HSPA9: variants seen among roughly 807,000 people sequenced by gnomAD.
The protein encoded by HSPA9 is stress-70 protein, mitochondrial.
A neutral mutation model predicts 81.5 loss-of-function variants in HSPA9; 28 were observed. That is an observed-to-expected ratio of 0.34 (90% CI 0.25 to 0.47). HSPA9 has a LOEUF of 0.47. Ranked by LOEUF, HSPA9 falls within the 20% of genes least tolerant of loss-of-function variation. The pLI is 1.00. For missense variants in HSPA9, 678 were observed against 838.0 expected, an observed-to-expected ratio of 0.81 and a Z score of 2.36; for synonymous variants, 293 against 290.4, an observed-to-expected ratio of 1.01 and a Z score of -0.09.
intron 13 of HSPA9, 120 bp from the exon 14 acceptor site, chr5:138,557,616 G>A (rs1750556184): frequency 1.3e-6 from 1 of 769,574 alleles, no homozygotes; most frequent in South Asian, 1.5e-5. Context: ...TTATGAAGAG[G>A]AGAAATACCC....
intron 11 of HSPA9, 47 bp from the exon 12 acceptor site, chr5:138,558,704 T>G (rs766999103): frequency 4.4e-6 from 5 of 1,143,734 alleles, no homozygotes; most frequent in Non-Finnish European, 6.7e-6. Context: ...ATTAACCTAC[T>G]CCATTTCTAT....
chr5:138,556,600 A>C lies in HSPA9; in HGVS notation c.1822-8T>G. 1 of 1,612,376 alleles carries C rather than the reference A, an allele frequency of 6.2e-7. No individual in the cohort carries two copies. The highest frequency in any genetic ancestry group is 2.2e-5 in the East Asian group (1 of 44,880). On this transcript the variant is annotated splice_polypyrimidine_tract_variant and splice_region_variant and intron_variant, in intron 15 of 16. Coordinates refer to ENST00000297185, the MANE Select transcript of HSPA9 (RefSeq NM_004134.7). ...TTCTTTCAGCTTGTTGCACTTAAAA[A>C]AAGAAAACAAAAATCCTTACTTTTC...
rs748668795 is a variant in HSPA9, at chr5:138,575,390, G to C, written c.-72C>G. 2.2e-6 allele frequency: 3 copies of C among 1,343,100 alleles called. No homozygotes were observed. Among genetic ancestry groups the C allele is most frequent in the African/African-American group, 2.9e-5 (2 of 69,898 alleles). 83.2% of individuals were successfully genotyped at this position (1,343,100 alleles called of 1,614,324 possible). On this transcript the variant is annotated 5_prime_UTR_variant, in exon 1 of 17. Coordinates refer to ENST00000297185, the MANE Select transcript of HSPA9 (RefSeq NM_004134.7). Reference sequence around the variant, plus strand: ...GCAAAGAGCTGCGCGATGCGGTGGCGGCAGCGCTTCTGGAAACCTCCAACC... The same window carrying C: ...GCAAAGAGCTGCGCGATGCGGTGGCCGCAGCGCTTCTGGAAACCTCCAACC...
intron 3 of HSPA9, among the ~76,000 whole-genome samples, chr5:138,571,472 A>G (rs1477820686): frequency 1.3e-5 from 2 of 151,956 alleles, no homozygotes; most frequent in Non-Finnish European, 2.9e-5. Context: ...GCATGAGCCA[A>G]TACGCCCAGC....
chr5:138,565,342 G>A (rs764400793), intron 9 of HSPA9, among the ~76,000 whole-genome samples: 29 of 152,030 alleles, frequency 1.9e-4, no homozygotes, highest in Non-Finnish European at 2.6e-4. Flanking sequence ...CCATGGATGC[G>A]TGTGTATAAC....
rs1342030367 is a variant in HSPA9 at position 138,575,285 on chromosome 5, G to A, written c.34C>T (p.Leu12Phe). The A allele has an allele frequency of 6.2e-7, 1 of 1,612,062 alleles. No individual in the cohort carries two copies. Among genetic ancestry groups the A allele is most frequent in the Admixed American group, 1.7e-5 (1 of 59,932 alleles). ...CCCCGGGAGGCTGCGGCGCCCACGA[G>A]ACGGGCTGCTGCAGCTCGGCTGGCA... Reference protein sequence around the residue: ...ISASRAAAARLVGAAASRGPT... With the variant: ...ISASRAAAARFVGAAASRGPT... The change falls in exon 1 of 17, where the codon CTC becomes TTC. Residue 12 changes from leucine (L) to phenylalanine (F), a missense_variant. Leu to Phe is a conservative substitution (Grantham distance 22, BLOSUM62 0). Around this residue, in one of 4 missense-constraint regions of HSPA9, gnomAD observed 89 missense variants for 70.4 expected, o/e 1.27. Transcript: ENST00000297185.
rs371198130 is a variant in HSPA9 at position 138,554,496 on chromosome 5, A to G, written c.*1541T>C. Among the ~76,000 whole-genome samples, 10 of 152,352 alleles carry G rather than the reference A, an allele frequency of 6.6e-5. No individual in the cohort carries two copies. In the East Asian group the frequency reaches 1.7e-3, roughly 26 times the overall value. On this transcript the variant is annotated 3_prime_UTR_variant, in exon 17 of 17. Coordinates refer to ENST00000297185, the MANE Select transcript of HSPA9 (RefSeq NM_004134.7). Reference sequence around the variant, plus strand: ...GAGCCTAGAATTTTTCACGAATCCCAAGAATCTTTTACATGGGTGTTAACA... The same window carrying G: ...GAGCCTAGAATTTTTCACGAATCCCGAGAATCTTTTACATGGGTGTTAACA...
rs1284836614 is a variant in HSPA9, at chr5:138,560,066, A to G, written c.1208T>C (p.Phe403Ser). ...PKVQQTVQDL[F>S]GRAPSKAVNP... is the part of the protein sequence containing the mutation. Reference sequence around the variant, plus strand: ...GACAGCTTTACTTGGGGCTCTGCCAAAAAGATCCTGTACAGTCTGCTGAAC... The same window carrying G: ...GACAGCTTTACTTGGGGCTCTGCCAGAAAGATCCTGTACAGTCTGCTGAAC... The change falls in exon 11 of 17, where the codon TTT (phenylalanine) becomes TCT (serine). Residue 403 changes from phenylalanine to serine, a missense_variant. Coordinates refer to ENST00000297185, the MANE Select transcript of HSPA9 (RefSeq NM_004134.7). 1 of 1,614,158 alleles carries G rather than the reference A, an allele frequency of 6.2e-7. No homozygotes were observed.
intron 9 of HSPA9, among the ~76,000 whole-genome samples, chr5:138,563,935 C>G (rs58487224): frequency 6.6e-6 from 1 of 152,202 alleles, no homozygotes; most frequent in Non-Finnish European, 1.5e-5. Flanking sequence ...TTCACTCTGC[C>G]CTTTTGGCCA....
At chr5:138,559,448 G>C (rs900813663) in intron 11 of HSPA9, among the ~76,000 whole-genome samples, 1 of 152,064 alleles carries the variant, frequency 6.6e-6, no homozygotes, top group East Asian at 1.9e-4. Flanking sequence ...AAGTAGCCCT[G>C]CTTGGTATCT....
In HSPA9 at chr5:138,573,849, A is replaced by T. The variant is rs780388892; in HGVS notation, c.142T>A (p.Ser48Thr). 3 of 1,608,850 alleles carry T rather than the reference A, an allele frequency of 1.9e-6. No individual in the cohort carries two copies. In the Admixed American group the frequency reaches 5.0e-5, roughly 27 times the overall value. Residue 48 changes from serine to threonine, a missense_variant and splice_region_variant, in exon 3 of 17, where the codon TCA becomes ACA. By Grantham distance (58) the Ser-to-Thr change is moderately conservative. Transcript: ENST00000297185. ...ACAACTGCTCCCTTGATTGCTTCTG[A>T]TCTGTAAGACATTTAGAACAGTGTC... is the stretch of plus-strand genomic sequence containing the variant. ...FRLVSRRDYA[S>T]EAIKGAVVGI...
rs368065921 is a variant in HSPA9 at position 138,560,655 on chromosome 5, C to T, written c.1183-564G>A. On this transcript the variant is annotated intron_variant, in intron 10 of 16. Transcript: ENST00000297185. ...CACTCACCGCAAGCTCCACCTCCTG[C>T]GTTCACGCCATTCTCCTACCTCAGC... 1.4e-4 allele frequency: 29 copies of T among 207,676 alleles called. No homozygotes were observed. In the East Asian group the frequency reaches 2.1e-3, roughly 15 times the overall value. 12.9% of individuals were successfully genotyped at this position (207,676 alleles called of 1,614,324 possible). A position where few individuals can be genotyped will look rare whatever the true frequency, so the allele number is the denominator to read the frequency against.
rs1268469140 is a variant in HSPA9, at chr5:138,561,763, T to C, written c.999A>G (p.Thr333=). Residue 333 remains threonine (T), a synonymous_variant, in exon 10 of 17, where the codon ACA becomes ACG. Coordinates refer to ENST00000297185, the MANE Select transcript of HSPA9 (RefSeq NM_004134.7). The stretch of plus-strand genomic sequence containing the variant: ...AATGCTTGGGTCCAGAAGAATCCAT[T>C]GTAAGATAGGGCAAATTGATGTCAG... ...VQTDINLPYL[T]MDSSGPKHLN... is the part of the protein sequence containing the mutation. The C allele has an allele frequency of 5.0e-6, 8 of 1,614,116 alleles. No individual in the cohort carries two copies. The highest frequency in any genetic ancestry group is 6.8e-6 in the Non-Finnish European group (8 of 1,179,970).
At chr5:138,575,031 T>C (rs1297600633) in intron 1 of HSPA9, 1 of 599,890 alleles carries the variant, frequency 1.7e-6, no homozygotes, top group Admixed American at 3.0e-5. Flanking sequence ...TCGCGAGGGG[T>C]GTGACTCAGC....
rs764914824 is a variant in HSPA9 at position 138,557,386 on chromosome 5, G to GACAA, written c.1728+12_1728+15dup. ...GCTTTACTAAGATTAAAGTTCAGAA[G>GACAA]ACAAGAAGTAATCACCTTCTTTCGC... On this transcript the variant is annotated intron_variant, in intron 14 of 16. Transcript: ENST00000297185. The GACAA allele has an allele frequency of 1.7e-4, 258 of 1,547,456 alleles. No individual in the cohort carries two copies. The highest frequency in any genetic ancestry group is 2.2e-4 in the Non-Finnish European group (246 of 1,121,318).
In HSPA9 at chr5:138,554,826, G is replaced by A. The variant is rs1326615040; in HGVS notation, c.*1211C>T. ...GGTTGTCAGCACATGATAATTATTA[G>A]AACTACATCAGAGAATTTGGGACAA... is the stretch of plus-strand genomic sequence containing the variant. On this transcript the variant is annotated 3_prime_UTR_variant, in exon 17 of 17. Transcript: ENST00000297185. 6.6e-6 allele frequency: 1 copy of A among 152,148 alleles called. No individual in the cohort carries two copies. Among genetic ancestry groups the A allele is most frequent in the Admixed American group, 6.6e-5 (1 of 15,266 alleles). 9.4% of individuals were successfully genotyped at this position (152,148 alleles called of 1,614,324 possible). A position where few individuals can be genotyped will look rare whatever the true frequency, so the allele number is the denominator to read the frequency against.
intron 11 of HSPA9, chr5:138,559,144 C>T (rs1423966428): frequency 3.0e-5 from 6 of 199,676 alleles, no homozygotes; most frequent in Admixed American, 1.6e-4. Context: ...TTCATACTGT[C>T]GCCCAGGCTG....
At chr5:138,563,161 T>G (rs1241201541) in intron 9 of HSPA9, among the ~76,000 whole-genome samples, 1 of 152,220 alleles carries the variant, frequency 6.6e-6, no homozygotes, top group Non-Finnish European at 1.5e-5. Context: ...AACACAGAAT[T>G]ATCTAAATCA....
Position 138,571,698 on chromosome 5 carries a change from G to A in HSPA9, c.229-557C>T, listed in dbSNP as rs192983964. ...TCTCGCTCTTGTCACCCAGACTGGA[G>A]TGCAGTGGCGCGATCTCGGCTCACT... On this transcript the variant is annotated intron_variant, in intron 3 of 16. Coordinates refer to ENST00000297185, the MANE Select transcript of HSPA9 (RefSeq NM_004134.7). 1.1e-3 allele frequency among the ~76,000 whole-genome samples: 172 copies of A among 150,452 alleles called. 1 individual carries two copies. Among genetic ancestry groups the A allele is most frequent in the Middle Eastern group, 6.8e-3 (2 of 294 alleles).
Sources: gnomAD v4.1 joint callset for allele counts (sites outside exome capture counted in the v4.1 genomes callset) on GRCh38, gnomAD v4.1.1 for gene constraint, gnomAD v4.1.1 regional missense constraint, MANE v1.5 for transcripts, NCBI Gene and HGNC (gene_info 2026-07-23, HGNC 2026-07-21) for gene names.